Variants in TENM3 observed in about 807,000 individuals in gnomAD.
TENM3 encodes teneurin-3.
In TENM3, 63 loss-of-function variants were observed where a neutral mutation model predicts 255.1. That is an observed-to-expected ratio of 0.25 (90% CI 0.20 to 0.30). The LOEUF (loss-of-function observed/expected upper bound fraction) is 0.30, where lower values mean the gene tolerates loss of function less well. Ranked by LOEUF, TENM3 falls within the 10% of genes least tolerant of loss-of-function variation. The pLI, the probability that TENM3 is intolerant of heterozygous loss-of-function variation, is 1.00. For synonymous variants in TENM3, 1,306 were observed against 1,322.3 expected, an observed-to-expected ratio of 0.99 and a Z score of 0.27; for missense variants, 2,929 against 3,461.1, an observed-to-expected ratio of 0.85 and a Z score of 3.86.
chr4:182,340,667 C>T (rs1764430800), intron 2 of TENM3, among the ~76,000 whole-genome samples: 2 of 152,170 alleles, frequency 1.3e-5, no homozygotes, highest in African/African-American at 2.4e-5. Context: ...AATAAAATTA[C>T]ATATACTTCT....
At chr4:182,741,278 T>C (rs1240311482) in intron 18 of TENM3, among the ~76,000 whole-genome samples, 1 of 152,198 alleles carries the variant, frequency 6.6e-6, no homozygotes, top group African/African-American at 2.4e-5. Flanking sequence ...CAAGAACATT[T>C]TGACAAGTAG....
At chr4:181,732,463 A>G in the TENM3 span, among the ~76,000 whole-genome samples, 1 of 152,228 alleles carries the variant, frequency 6.6e-6, no homozygotes, top group Non-Finnish European at 1.5e-5. Context: ...AAAAGGTAGA[A>G]TAAAAACGTA....
At chr4:182,761,730 A>G (rs1763214890) in intron 22 of TENM3, among the ~76,000 whole-genome samples, 1 of 152,188 alleles carries the variant, frequency 6.6e-6, no homozygotes, top group African/African-American at 2.4e-5. Context: ...ATGATTTGCA[A>G]GAGAGTTTAT....
intron 3 of TENM3, among the ~76,000 whole-genome samples, chr4:182,472,450 T>C (rs1374508497): frequency 6.6e-6 from 1 of 152,216 alleles, no homozygotes; most frequent in Non-Finnish European, 1.5e-5. Context: ...TGATTTTTAC[T>C]ATTTAAAACT....
At position 182,802,208 on chromosome 4, in the gene TENM3, G is replaced by T. The variant is rs1290292235; in HGVS notation, c.*1857G>T. The stretch of plus-strand genomic sequence containing the variant: ...TTACTGTCTTTGTGTATTTGGTAGA[G>T]CATACCGAAGTAATTAATCTTCTAA... On this transcript the variant is annotated 3_prime_UTR_variant, in exon 28 of 28. Transcript: ENST00000511685. 2 of 152,622 alleles carry T rather than the reference G, an allele frequency of 1.3e-5. No individual in the cohort carries two copies. The highest frequency in any genetic ancestry group is 6.5e-5 in the Admixed American group (1 of 15,278). The allele number at this position is 152,622 out of a possible 1,614,324, so 9.5% of individuals were successfully genotyped here. A position where few individuals can be genotyped will look rare whatever the true frequency, so the allele number is the denominator to read the frequency against.
chr4:182,547,166 G>A (rs1741533958), intron 3 of TENM3, among the ~76,000 whole-genome samples: 1 of 152,066 alleles, frequency 6.6e-6, no homozygotes, highest in African/African-American at 2.4e-5. Context: ...CATGGTACAA[G>A]CGTTTGTGTT....
At chr4:182,713,755 A>G (rs1249800537) in intron 12 of TENM3, among the ~76,000 whole-genome samples, 2 of 152,182 alleles carry the variant, frequency 1.3e-5, no homozygotes, top group Non-Finnish European at 2.9e-5. Flanking sequence ...TTTTGTTGAG[A>G]TGGCTTTTCC....
intron 3 of TENM3, among the ~76,000 whole-genome samples, chr4:182,539,992 T>C (rs1275167404): frequency 1.3e-5 from 2 of 152,336 alleles, no homozygotes; most frequent in East Asian, 1.9e-4. Context: ...AACACAGACA[T>C]AATTTGACTT....
chr4:181,760,510 A>G, the TENM3 span, among the ~76,000 whole-genome samples: 1 of 152,114 alleles, frequency 6.6e-6, no homozygotes, highest in African/African-American at 2.4e-5. Flanking sequence ...TTGTAAGTAT[A>G]TATTATTTGT....
At chr4:182,199,009 G>T (rs1754006563) in intron 1 of TENM3, among the ~76,000 whole-genome samples, 1 of 152,114 alleles carries the variant, frequency 6.6e-6, no homozygotes, top group Admixed American at 6.5e-5. Context: ...CCAGATGAAA[G>T]TGTATGTTAG....
At chr4:182,241,071 T>C (rs557889051), upstream of TENM3, among the ~76,000 whole-genome samples, 6 of 152,330 alleles carry the variant, frequency 3.9e-5, no homozygotes, top group East Asian at 1.2e-3. Flanking sequence ...TTTTTCCACA[T>C]GGTCCCCTTA....
intron 1 of TENM3, among the ~76,000 whole-genome samples, chr4:182,214,052 G>T (rs1458296631): frequency 1.3e-5 from 2 of 152,098 alleles, no homozygotes; most frequent in Non-Finnish European, 2.9e-5. Context: ...TCCCCCCGCT[G>T]CGGCCTCCCC....
At chr4:182,067,164 T>TGA in the TENM3 span, among the ~76,000 whole-genome samples, 135 of 152,258 alleles carry the variant, frequency 8.9e-4, no homozygotes, top group Non-Finnish European at 1.6e-3. Flanking sequence ...ACTTCAGGGA[T>TGA]GAGAGGCCGG....
chr4:181,667,845 A>G, the TENM3 span, among the ~76,000 whole-genome samples: 2 of 152,186 alleles, frequency 1.3e-5, no homozygotes, highest in Non-Finnish European at 2.9e-5. Context: ...ACCTGTCATA[A>G]GGGCACTGAG....
chr4:182,637,581 A>T (rs1189032621), intron 5 of TENM3, among the ~76,000 whole-genome samples: 7 of 152,206 alleles, frequency 4.6e-5, no homozygotes. Context: ...TTCTTTAGTG[A>T]CTTTGGTAAT....
the TENM3 span, among the ~76,000 whole-genome samples, chr4:181,973,150 A>C: frequency 6.6e-6 from 1 of 152,298 alleles, no homozygotes; most frequent in South Asian, 2.1e-4. Context: ...AAAGAATAAT[A>C]ATTTATTTTT....
At chr4:182,393,766 G>A (rs1445828916) in intron 3 of TENM3, among the ~76,000 whole-genome samples, 4 of 152,078 alleles carry the variant, frequency 2.6e-5, no homozygotes, top group African/African-American at 9.7e-5. Flanking sequence ...GAGCTGGCAG[G>A]AAGTCAATGA....
At chr4:182,063,931 T>C in the TENM3 span, among the ~76,000 whole-genome samples, 1 of 152,066 alleles carries the variant, frequency 6.6e-6, no homozygotes, top group Non-Finnish European at 1.5e-5. Flanking sequence ...ATTCATGGAG[T>C]TGGCATTTGG....
the TENM3 span, among the ~76,000 whole-genome samples, chr4:181,537,635 C>A: frequency 6.6e-6 from 1 of 152,172 alleles, no homozygotes; most frequent in Admixed American, 6.5e-5. Context: ...TAGTAACATA[C>A]AACCTCCAGG....
Sources: gnomAD v4.1 joint callset for allele counts (sites outside exome capture counted in the v4.1 genomes callset) on GRCh38, gnomAD v4.1.1 for gene constraint, MANE v1.5 for transcripts, NCBI Gene and HGNC (gene_info 2026-07-23, HGNC 2026-07-21) for gene names.